The following FNBP1 variants were observed in gnomAD, a reference collection of about 807,000 sequenced individuals.
FNBP1 encodes the protein formin binding protein 1.
FNBP1 carries 26 observed loss-of-function variants against 90.6 expected under a neutral mutation model. That is an observed-to-expected ratio of 0.29 (90% confidence interval 0.21 to 0.40). The LOEUF (loss-of-function observed/expected upper bound fraction) is 0.40. Ranked by LOEUF, FNBP1 falls within the 10% of genes least tolerant of loss-of-function variation. The probability of loss-of-function intolerance (pLI) is 1.00; values close to 1 mark genes in which losing one functional copy is unlikely to be tolerated. For synonymous variants in FNBP1, 260 were observed against 265.2 expected, an observed-to-expected ratio of 0.98 and a Z score of 0.19; for missense variants, 635 against 768.0, an observed-to-expected ratio of 0.83 and a Z score of 2.05.
chr9:129,923,201 T>G (rs2041355671), intron 10 of FNBP1, among the ~76,000 whole-genome samples: 1 of 152,092 alleles, frequency 6.6e-6, no homozygotes, highest in South Asian at 2.1e-4. Context: ...TAAGTGGTTT[T>G]TTTTGGTAAA....
At chr9:129,897,421 T>G (rs1204997803) in intron 15 of FNBP1, among the ~76,000 whole-genome samples, 1 of 152,172 alleles carries the variant, frequency 6.6e-6, no homozygotes, top group Non-Finnish European at 1.5e-5. Context: ...CTGGTACGTC[T>G]TTCTTATTTT....
chr9:129,955,776 T>C (rs1423755167), intron 6 of FNBP1, among the ~76,000 whole-genome samples: 1 of 149,572 alleles, frequency 6.7e-6, no homozygotes, highest in East Asian at 2.0e-4. Context: ...AAAAATAAAA[T>C]AAAAAGAGAC....
intron 10 of FNBP1, among the ~76,000 whole-genome samples, chr9:129,918,728 G>A (rs928198409): frequency 3.9e-5 from 6 of 152,190 alleles, no homozygotes; most frequent in East Asian, 3.9e-4. Context: ...CTACACTGCC[G>A]TCTGTAAGAG....
At chr9:130,013,627 C>G (rs1056152105) in intron 1 of FNBP1, 1 of 445,336 alleles carries the variant, frequency 2.2e-6, no homozygotes, top group African/African-American at 2.0e-5. Context: ...TCATGTGCAC[C>G]AAGAGACATG....
At chr9:130,050,236 G>C in the FNBP1 span, among the ~76,000 whole-genome samples, 1 of 152,172 alleles carries the variant, frequency 6.6e-6, no homozygotes, top group South Asian at 2.1e-4. Context: ...GGAACTCCAT[G>C]GTGAGTGAAA....
intron 2 of FNBP1, among the ~76,000 whole-genome samples, chr9:129,986,131 G>C (rs2052192524): frequency 6.6e-6 from 1 of 151,692 alleles, no homozygotes; most frequent in South Asian, 2.1e-4. Context: ...GTGAGACTTT[G>C]TCTTAAAAAA....
intron 6 of FNBP1, among the ~76,000 whole-genome samples, chr9:129,952,156 C>T (rs2046276143): frequency 6.6e-6 from 1 of 151,904 alleles, no homozygotes; most frequent in Non-Finnish European, 1.5e-5. Flanking sequence ...TACACCACTG[C>T]ACTCCAGCCT....
At chr9:130,036,899 GC>G (rs1226547900) in intron 1 of FNBP1, among the ~76,000 whole-genome samples, 1 of 150,486 alleles carries the variant, frequency 6.6e-6, no homozygotes, top group African/African-American at 2.4e-5. Flanking sequence ...CAAAAAATTA[GC>G]CGGGCGCGGT....
chr9:129,931,626 T>TAATAAATA (rs890490272), intron 6 of FNBP1, among the ~76,000 whole-genome samples: 1 of 149,838 alleles, frequency 6.7e-6, no homozygotes, highest in Non-Finnish European at 1.5e-5. Context: ...AATAATAAAA[T>TAATAAATA]AATAAATAAA....
intron 10 of FNBP1, 33 bp downstream of exon 10, chr9:129,923,811 G>A (rs558583103): frequency 6.5e-6 from 10 of 1,528,556 alleles, no homozygotes; most frequent in East Asian, 5.1e-5. Context: ...ACCAAAGCAC[G>A]CCAGAGAGAC....
intron 6 of FNBP1, among the ~76,000 whole-genome samples, chr9:129,943,407 A>G (rs1362272026): frequency 1.9e-5 from 1 of 53,204 alleles, no homozygotes; most frequent in African/African-American, 7.2e-5. Flanking sequence ...TTTTTTTGAG[A>G]TGGACTTTTG....
intron 1 of FNBP1, among the ~76,000 whole-genome samples, chr9:130,007,459 G>A (rs1267964106): frequency 2.6e-5 from 4 of 152,054 alleles, no homozygotes; most frequent in African/African-American, 9.7e-5. Flanking sequence ...GAAATGAAGA[G>A]AAAGGGGAAA....
Position 129,966,732 on chromosome 9 carries a change from A to AAACAACAACAACAACAAC in FNBP1, c.346-8197_346-8180dup, listed in dbSNP as rs550427768. Among the ~76,000 whole-genome samples the AAACAACAACAACAACAAC allele has an allele frequency of 1.2e-3, 185 of 151,248 alleles. No individual in the cohort carries two copies. The highest frequency in any genetic ancestry group is 4.3e-3 in the African/African-American group (177 of 41,190). On this transcript the variant is annotated intron_variant, in intron 4 of 16. Coordinates refer to ENST00000446176, the MANE Select transcript of FNBP1 (RefSeq NM_015033.3). This position sits in a 1 kb window ranked among gnomAD's most constrained non-coding sequence, Gnocchi z 4.3. ...TGGGTGATGGAGCGAGACTCCGTCT[A>AAACAACAACAACAACAAC]AACAACAACAACAACAACAACAACA...
intron 6 of FNBP1, among the ~76,000 whole-genome samples, chr9:129,947,440 C>CAAAAAAAAAA (rs530714143): frequency 1.0e-5 from 1 of 96,988 alleles, no homozygotes; most frequent in African/African-American, 3.9e-5. Context: ...AACTCCGTCT[C>CAAAAAAAAAA]AAAAAAAAAA....
At chr9:129,994,324 C>G (rs937438705) in intron 2 of FNBP1, among the ~76,000 whole-genome samples, 5 of 151,978 alleles carry the variant, frequency 3.3e-5, no homozygotes, top group Admixed American at 3.3e-4. Flanking sequence ...GAATGCATAC[C>G]AAATGATTAC....
chr9:130,034,704 T>C (rs759034719), intron 1 of FNBP1, among the ~76,000 whole-genome samples: 12 of 152,240 alleles, frequency 7.9e-5, no homozygotes, highest in Non-Finnish European at 1.6e-4. Flanking sequence ...CTGTTTCTGC[T>C]GGCTCTGCAG....
At chr9:129,999,043 C>A (rs537798108) in intron 1 of FNBP1, among the ~76,000 whole-genome samples, 65 of 152,134 alleles carry the variant, frequency 4.3e-4, no homozygotes, top group Non-Finnish European at 8.2e-4. Context: ...ACTGCTGCAG[C>A]ACTGACTTGA....
At position 130,041,145 on chromosome 9, in the gene FNBP1, T is replaced by A. The variant is rs2059792593; in HGVS notation, c.24+1807A>T. Among the ~76,000 whole-genome samples, 1 of 152,042 alleles carries A rather than the reference T, an allele frequency of 6.6e-6. No homozygotes were observed. The highest frequency in any genetic ancestry group is 1.5e-5 in the Non-Finnish European group (1 of 67,998). On this transcript the variant is annotated intron_variant, in intron 1 of 16. Transcript: ENST00000446176. The surrounding 1 kb of genome is among the most constrained non-coding windows in gnomAD (Gnocchi z 4.3). Reference sequence around the variant, plus strand: ...AGCCACTGCGCCCGGCCTCTCTCATTTATTTTCAATCACTCCTAACCCTGC... The same window carrying A: ...AGCCACTGCGCCCGGCCTCTCTCATATATTTTCAATCACTCCTAACCCTGC...
At chr9:129,919,111 A>T in intron 10 of FNBP1, 1 of 778,298 alleles carries the variant, frequency 1.3e-6, no homozygotes, top group Non-Finnish European at 1.9e-6. Flanking sequence ...GAATGGGGTT[A>T]GTGGCTGTGC....
Sources: gnomAD v4.1 joint callset for allele counts (sites outside exome capture counted in the v4.1 genomes callset) on GRCh38, gnomAD v4.1.1 for gene constraint, Gnocchi (gnomAD v3.1) non-coding constraint, MANE v1.5 for transcripts, NCBI Gene and HGNC (gene_info 2026-07-23, HGNC 2026-07-21) for gene names.